Variants in CBFA2T3 observed in about 807,000 individuals in gnomAD.
CBFA2T3 encodes the protein transcriptional corepressor CBFA2T3.
In CBFA2T3, 31 loss-of-function variants were observed where a neutral mutation model predicts 58.6. The observed-to-expected ratio is 0.53, with a 90% CI of 0.40 to 0.71. The LOEUF is 0.71. CBFA2T3 is among the 30% of genes least tolerant of loss of function. The probability of loss-of-function intolerance (pLI) is 0.00; values close to 1 mark genes in which losing one functional copy is unlikely to be tolerated. For missense variants in CBFA2T3, 1,076 were observed against 963.1 expected, an observed-to-expected ratio of 1.12 and a Z score of -1.55; for synonymous variants, 531 against 421.9, an observed-to-expected ratio of 1.26 and a Z score of -3.17.
chr16:88,900,378 T>C (rs542326697), intron 2 of CBFA2T3, among the ~76,000 whole-genome samples: 1 of 152,320 alleles, frequency 6.6e-6, no homozygotes, highest in African/African-American at 2.4e-5. Flanking sequence ...TCTCTCCAGA[T>C]GGAGGGGAGA....
chr16:88,949,552 T>C (rs1971992750), intron 1 of CBFA2T3, among the ~76,000 whole-genome samples: 1 of 147,052 alleles, frequency 6.8e-6, no homozygotes, highest in South Asian at 2.1e-4. Context: ...AGAGCGAGAC[T>C]CTGTCTCAAA....
Position 88,892,250 on chromosome 16 carries a change from G to A in CBFA2T3, c.615C>T (p.Gly205=), listed in dbSNP as rs551334265. The change falls in exon 4 of 12, where the codon GGC becomes GGT. Residue 205 remains glycine (G), a synonymous_variant. Coordinates refer to ENST00000268679, the MANE Select transcript of CBFA2T3 (RefSeq NM_005187.6). The part of the protein sequence containing the change: ...IGERVRTLVL[G]LVNSTLTIEE... ...CTGTCCCTGCCCAACTCACCACCAG[G>A]CCCAGCACCAGTGTGCGCACGCGCT... 3.9e-5 allele frequency: 62 copies of A among 1,608,518 alleles called. No individual in the cohort carries two copies. In the South Asian group the frequency reaches 6.5e-4, roughly 17 times the overall value.
Position 88,877,065 on chromosome 16 carries a change from C to A in CBFA2T3, c.1873G>T (p.Ala625Ser). The change falls in exon 12 of 12, where the codon GCT becomes TCT. Residue 625 changes from alanine to serine, a missense_variant. Coordinates refer to ENST00000268679, the MANE Select transcript of CBFA2T3 (RefSeq NM_005187.6). ...HSLGPSLPVG[A>S]ASPSEAGSAG... ...GAGCCGGCTTCGCTGGGGCTGGCAG[C>A]ACCCACAGGCAGGGAGGGGCCCAGG... is the stretch of plus-strand genomic sequence containing the variant. 6.6e-7 allele frequency: 1 copy of A among 1,526,530 alleles called. No individual in the cohort carries two copies. Among genetic ancestry groups the A allele is most frequent in the Non-Finnish European group, 8.8e-7 (1 of 1,134,828 alleles). 94.6% of individuals were successfully genotyped at this position (1,526,530 alleles called of 1,614,324 possible). A position where few individuals can be genotyped will look rare whatever the true frequency, so the allele number is the denominator to read the frequency against.
chr16:88,948,912 G>A (rs911483152), intron 1 of CBFA2T3, among the ~76,000 whole-genome samples: 4 of 152,192 alleles, frequency 2.6e-5, no homozygotes, highest in Admixed American at 1.3e-4. Flanking sequence ...AAAAGCAGCC[G>A]GTGCTCGTGT....
intron 1 of CBFA2T3, among the ~76,000 whole-genome samples, chr16:88,935,463 G>A (rs992509956): frequency 1.3e-4 from 20 of 152,352 alleles, no homozygotes; most frequent in African/African-American, 4.6e-4. Context: ...CCTCTGACAG[G>A]GAGTAACTAG....
At chr16:88,906,243 C>T (rs536562096) in intron 1 of CBFA2T3, among the ~76,000 whole-genome samples, 1 of 152,288 alleles carries the variant, frequency 6.6e-6, no homozygotes, top group East Asian at 1.9e-4. Flanking sequence ...CAGCCTCGTC[C>T]TTCCTAGGTG....
chr16:88,969,910 A>T (rs1056313385), intron 1 of CBFA2T3, among the ~76,000 whole-genome samples: 4 of 152,318 alleles, frequency 2.6e-5, no homozygotes, highest in African/African-American at 7.2e-5. Flanking sequence ...GGGGCCTCCC[A>T]AAATGAGCCC....
intron 1 of CBFA2T3, among the ~76,000 whole-genome samples, chr16:88,963,079 C>T (rs1014610489): frequency 2.6e-5 from 4 of 152,122 alleles, no homozygotes; most frequent in Non-Finnish European, 4.4e-5. Context: ...TGGGCAGATG[C>T]GTAGCTGGGC....
rs978426218 is a variant in CBFA2T3, at chr16:88,892,606, T to C, written c.380-121A>G. 10 of 1,166,900 alleles carry C rather than the reference T, an allele frequency of 8.6e-6. No homozygotes were observed. The African/African-American group carries it at 1.2e-4, about 14-fold the overall frequency. 72.3% of individuals were successfully genotyped at this position (1,166,900 alleles called of 1,614,324 possible). On this transcript the variant is annotated intron_variant, in intron 3 of 11. Coordinates refer to ENST00000268679, the MANE Select transcript of CBFA2T3 (RefSeq NM_005187.6). ...ATGTCAAAAGTGACGGCAACAATGA[T>C]GAGACACAAGGACAGTAGCGCTGAG...
At chr16:88,888,619 G>C in intron 5 of CBFA2T3, among the ~76,000 whole-genome samples, 1 of 138,298 alleles carries the variant, frequency 7.2e-6, no homozygotes, top group Non-Finnish European at 1.6e-5. Flanking sequence ...GGTGGGGTGG[G>C]GGCTGCTCCC....
chr16:88,935,527 C>T (rs1971467590), intron 1 of CBFA2T3, among the ~76,000 whole-genome samples: 1 of 152,226 alleles, frequency 6.6e-6, no homozygotes, highest in Admixed American at 6.5e-5. Context: ...CTGCAGGTGG[C>T]GTGGTGCACC....
At chr16:88,912,332 G>A (rs1275499399) in intron 1 of CBFA2T3, among the ~76,000 whole-genome samples, 2 of 152,238 alleles carry the variant, frequency 1.3e-5, no homozygotes, top group Non-Finnish European at 2.9e-5. Context: ...TGTGCTGTGC[G>A]TCCTGGGGCC....
chr16:88,902,371 A>G (rs1970133427), intron 1 of CBFA2T3: 1 of 152,276 alleles, frequency 6.6e-6, no homozygotes, highest in African/African-American at 2.4e-5. Context: ...AGCCCCCGGC[A>G]GGTGGTAACG....
rs552193635 is a variant in CBFA2T3, at chr16:88,885,867, C to A, written c.893+94G>T. ...AGAGAGCCGGCCGGGCTGGCTGCAG[C>A]CCCAGAGGAGGTTCCCTCTCTTACC... is the stretch of plus-strand genomic sequence containing the variant. On this transcript the variant is annotated intron_variant, in intron 6 of 11. Coordinates refer to ENST00000268679, the MANE Select transcript of CBFA2T3 (RefSeq NM_005187.6). The surrounding 1 kb of genome is among the most constrained non-coding windows in gnomAD (Gnocchi z 5.3). The A allele has an allele frequency of 1.5e-4, 172 of 1,159,932 alleles. No individual in the cohort carries two copies. In the South Asian group the frequency reaches 2.3e-3, roughly 16 times the overall value. The allele number at this position is 1,159,932 out of a possible 1,614,324, so 71.9% of individuals were successfully genotyped here. A position where few individuals can be genotyped will look rare whatever the true frequency, so the allele number is the denominator to read the frequency against.
chr16:88,925,491 C>G (rs574696423), intron 1 of CBFA2T3, among the ~76,000 whole-genome samples: 1 of 152,300 alleles, frequency 6.6e-6, no homozygotes, highest in South Asian at 2.1e-4. Context: ...CAGCCAGAGA[C>G]CTGCTCCGAG....
chr16:88,914,435 T>C (rs571681675), intron 1 of CBFA2T3, among the ~76,000 whole-genome samples: 2 of 152,356 alleles, frequency 1.3e-5, no homozygotes, highest in African/African-American at 4.8e-5. Context: ...ACGCTCTCTA[T>C]TGACATCCCC....
intron 1 of CBFA2T3, among the ~76,000 whole-genome samples, chr16:88,972,466 G>A (rs1429087918): frequency 1.3e-5 from 2 of 152,200 alleles, no homozygotes; most frequent in East Asian, 1.9e-4. Context: ...GCACTCTGCC[G>A]CCTCTGTCTG....
At chr16:88,950,622 C>G (rs1597782671) in intron 1 of CBFA2T3, 2 of 343,238 alleles carry the variant, frequency 5.8e-6, no homozygotes, top group Non-Finnish European at 5.6e-6. Context: ...TGGACCGGCA[C>G]CGCCACAGAG....
At chr16:88,967,500 G>A (rs867690113) in intron 1 of CBFA2T3, among the ~76,000 whole-genome samples, 5 of 152,124 alleles carry the variant, frequency 3.3e-5, no homozygotes, top group East Asian at 1.9e-4. Context: ...TGAGGAAGCC[G>A]TGGTGGGGTG....
Sources: allele counts gnomAD v4.1 joint callset (sites outside exome capture counted in the v4.1 genomes callset), GRCh38; gene constraint gnomAD v4.1.1; non-coding constraint Gnocchi (gnomAD v3.1); transcripts MANE v1.5; gene names NCBI Gene and HGNC (gene_info 2026-07-23, HGNC 2026-07-21).